The following NFU1 variants were observed in gnomAD, a reference collection of about 807,000 sequenced individuals.
NFU1 encodes the protein NFU1 iron-sulfur cluster scaffold.
NFU1 carries 30 observed loss-of-function variants against 32.2 expected under a neutral mutation model. The ratio of observed to expected loss-of-function variants is 0.93; its 90% CI spans 0.70 to 1.26. NFU1 has a LOEUF of 1.26. NFU1 is among the 50% of genes most tolerant of loss of function. The probability of loss-of-function intolerance (pLI) is 0.00; values close to 1 mark genes in which losing one functional copy is unlikely to be tolerated. For missense variants in NFU1, 306 were observed against 306.6 expected, an observed-to-expected ratio of 1.00 and a Z score of 0.02; for synonymous variants, 112 against 104.6, an observed-to-expected ratio of 1.07 and a Z score of -0.43.
At chr2:69,412,072 G>A (rs1431160902) in intron 5 of NFU1, among the ~76,000 whole-genome samples, 1 of 152,092 alleles carries the variant, frequency 6.6e-6, no homozygotes, top group Non-Finnish European at 1.5e-5. Context: ...TTGGCGGGGG[G>A]ACGGAGTCTC....
intron 1 of NFU1, 139 bp downstream of exon 1, chr2:69,437,222 A>C (rs975905668): frequency 1.4e-6 from 2 of 1,470,828 alleles, no homozygotes; most frequent in African/African-American, 1.4e-5. Context: ...CTCACCCCCA[A>C]CTACGGCGAC....
chr2:69,397,498 T>C (rs1201971264), intron 7 of NFU1, among the ~76,000 whole-genome samples: 1 of 152,196 alleles, frequency 6.6e-6, no homozygotes, highest in African/African-American at 2.4e-5. Flanking sequence ...GAAGGCCAAT[T>C]CATCACCCTA....
intron 6 of NFU1, among the ~76,000 whole-genome samples, chr2:69,404,618 T>A (rs1672636731): frequency 9.0e-6 from 1 of 110,954 alleles, no homozygotes; most frequent in Non-Finnish European, 1.7e-5. Flanking sequence ...TTAGCAAATT[T>A]TTTTTTTTTT....
intron 2 of NFU1, among the ~76,000 whole-genome samples, chr2:69,431,123 GTAAT>G (rs1673625980): frequency 6.6e-6 from 1 of 151,936 alleles, no homozygotes; most frequent in Non-Finnish European, 1.5e-5. Context: ...CAAAACCATA[GTAAT>G]TAATTTTGAC....
intron 4 of NFU1, 57 bp downstream of exon 4, chr2:69,419,481 G>T: frequency 1.1e-6 from 1 of 877,926 alleles, no homozygotes; most frequent in South Asian, 1.5e-5. Flanking sequence ...AGAGGCATTG[G>T]ACTCAGAAAA....
intron 1 of NFU1, among the ~76,000 whole-genome samples, chr2:69,434,098 G>A (rs1034426861): frequency 6.7e-6 from 1 of 148,578 alleles, no homozygotes; most frequent in African/African-American, 2.5e-5. Flanking sequence ...TATGCTTTTT[G>A]GATGGAAACA....
At chr2:69,398,514 T>C (rs1230956118) in intron 7 of NFU1, among the ~76,000 whole-genome samples, 2 of 152,194 alleles carry the variant, frequency 1.3e-5, no homozygotes, top group African/African-American at 4.8e-5. Flanking sequence ...AATCTTGATG[T>C]TATCCTAAAC....
chr2:69,404,615 A>ATATTTTTT (rs1426118283), intron 6 of NFU1, among the ~76,000 whole-genome samples: 4 of 73,010 alleles, frequency 5.5e-5, no homozygotes, highest in Admixed American at 1.7e-4. Flanking sequence ...ATCTTAGCAA[A>ATATTTTTT]TTTTTTTTTT....
intron 5 of NFU1, among the ~76,000 whole-genome samples, 186 bp downstream of exon 5, chr2:69,414,998 AT>A (rs1673005230): frequency 1.3e-5 from 2 of 152,228 alleles, no homozygotes; most frequent in South Asian, 4.1e-4. Flanking sequence ...ATAATTGAAA[AT>A]TTTTGTTTTA....
intron 4 of NFU1, among the ~76,000 whole-genome samples, chr2:69,415,732 T>A (rs1673028058): frequency 6.6e-6 from 1 of 152,124 alleles, no homozygotes; most frequent in South Asian, 2.1e-4. Flanking sequence ...TCCCAGCATT[T>A]TGAGAGGTCG....
At chr2:69,430,597 A>G (rs773019403) in intron 2 of NFU1, among the ~76,000 whole-genome samples, 1 of 152,216 alleles carries the variant, frequency 6.6e-6, no homozygotes, top group Non-Finnish European at 1.5e-5. Flanking sequence ...AGTGGTGCTT[A>G]AAGTCAATAT....
intron 6 of NFU1, among the ~76,000 whole-genome samples, chr2:69,402,730 C>T (rs920406603): frequency 3.3e-5 from 5 of 151,940 alleles, no homozygotes; most frequent in Non-Finnish European, 5.9e-5. Flanking sequence ...TACAGGTGCC[C>T]GCCACCATGC....
chr2:69,422,596 T>C (rs1484096689), intron 3 of NFU1, among the ~76,000 whole-genome samples: 1 of 134,812 alleles, frequency 7.4e-6, no homozygotes, highest in East Asian at 2.0e-4. Flanking sequence ...ATTTACCATA[T>C]TTATCAATTT....
At chr2:69,431,394 C>A (rs1673634458) in intron 2 of NFU1, among the ~76,000 whole-genome samples, 1 of 152,186 alleles carries the variant, frequency 6.6e-6, no homozygotes, top group Middle Eastern at 3.2e-3. Context: ...CAAGCTTGAA[C>A]TCCTGGGCTA....
Position 69,403,557 on chromosome 2 carries a change from T to A in NFU1, c.545+2465A>T, listed in dbSNP as rs557118306. On this transcript the variant is annotated intron_variant, in intron 6 of 7. Transcript: ENST00000410022. ...ACACCACCACACCCAGCTAATTTTT[T>A]AATTTTTTGTAGAGACAAGGTCTCA... is the stretch of plus-strand genomic sequence containing the variant. Among the ~76,000 whole-genome samples the A allele has an allele frequency of 5.9e-5, 9 of 152,150 alleles. No homozygotes were observed. In the South Asian group the frequency reaches 1.2e-3, roughly 21 times the overall value.
intron 5 of NFU1, 92 bp from the exon 6 acceptor site, chr2:69,406,174 T>C (rs1379129682): frequency 3.9e-6 from 3 of 765,360 alleles, no homozygotes; most frequent in Non-Finnish European, 6.8e-6. Context: ...AACTACATGG[T>C]TCATTAAAAA....
intron 6 of NFU1, among the ~76,000 whole-genome samples, chr2:69,404,133 C>T (rs546802921): frequency 2.0e-5 from 3 of 151,252 alleles, no homozygotes; most frequent in African/African-American, 4.9e-5. Flanking sequence ...GCACCGCACC[C>T]GGCCTCCAAT....
At position 69,404,615 on chromosome 2, in the gene NFU1, A is replaced by ATTTTTT. The variant is rs534309730; in HGVS notation, c.545+1401_545+1406dup. Among the ~76,000 whole-genome samples, 116 of 72,996 alleles carry ATTTTTT rather than the reference A, an allele frequency of 1.6e-3. 18 individuals are homozygous for ATTTTTT. In the East Asian group the frequency reaches 0.023, roughly 14 times the overall value. 47.9% of individuals were successfully genotyped at this position (72,996 alleles called of 152,430 possible). A position where few individuals can be genotyped will look rare whatever the true frequency, so the allele number is the denominator to read the frequency against. Reference sequence around the variant, plus strand: ...CACTTAATAACTACTATCTTAGCAAATTTTTTTTTTTTTTTTTTTTTTTGA... The same window carrying ATTTTTT: ...CACTTAATAACTACTATCTTAGCAAATTTTTTTTTTTTTTTTTTTTTTTTTTTTTGA... On this transcript the variant is annotated intron_variant, in intron 6 of 7. Transcript: ENST00000410022.
chr2:69,398,044 A>T (rs779022052), intron 7 of NFU1, among the ~76,000 whole-genome samples: 5 of 152,164 alleles, frequency 3.3e-5, no homozygotes, highest in Admixed American at 6.6e-5. Flanking sequence ...TTAATATTTT[A>T]CATCCAATTT....
Sources: allele counts gnomAD v4.1 joint callset (sites outside exome capture counted in the v4.1 genomes callset), GRCh38; gene constraint gnomAD v4.1.1; transcripts MANE v1.5; gene names NCBI Gene and HGNC (gene_info 2026-07-23, HGNC 2026-07-21).